GTF3C4: variants seen among roughly 807,000 people sequenced by gnomAD.
The protein encoded by GTF3C4 is general transcription factor 3C polypeptide 4.
GTF3C4 carries 28 observed loss-of-function variants against 67.5 expected under a neutral mutation model. The ratio of observed to expected loss-of-function variants is 0.41; its 90% CI spans 0.31 to 0.57. GTF3C4 has a LOEUF of 0.57. Among genes scored for constraint, GTF3C4 ranks in the 20% least tolerant of loss-of-function variants. The pLI, the probability that GTF3C4 is intolerant of heterozygous loss-of-function variation, is 0.21. For synonymous variants in GTF3C4, 409 were observed against 393.0 expected, an observed-to-expected ratio of 1.04 and a Z score of -0.48; for missense variants, 831 against 1,033.2, an observed-to-expected ratio of 0.80 and a Z score of 2.68.
chr9:132,672,695 G>A (rs773966070), intron 1 of GTF3C4, among the ~76,000 whole-genome samples: 4 of 152,162 alleles, frequency 2.6e-5, no homozygotes, highest in South Asian at 2.1e-4. Context: ...TGTGGTTCAG[G>A]AACATTACTG....
rs1222801308 is a variant in GTF3C4, at chr9:132,692,546, G to A, written c.*3601G>A. On this transcript the variant is annotated 3_prime_UTR_variant, in exon 5 of 5. Transcript: ENST00000372146. ...GCTGAATGGGTTATATTCAAAGTAA[G>A]TACAGACGGCAAATAGGCAGACAAA... 1 of 152,154 alleles carries A rather than the reference G, an allele frequency of 6.6e-6. No homozygotes were observed. The highest frequency in any genetic ancestry group is 6.5e-5 in the Admixed American group (1 of 15,282). 9.4% of individuals were successfully genotyped at this position (152,154 alleles called of 1,614,324 possible).
intron 3 of GTF3C4, among the ~76,000 whole-genome samples, chr9:132,685,003 T>C (rs528458597): frequency 6.8e-6 from 1 of 146,538 alleles, no homozygotes; most frequent in East Asian, 2.0e-4. Context: ...TGGTGGGCAC[T>C]AAATTTTTTA....
intron 1 of GTF3C4, among the ~76,000 whole-genome samples, chr9:132,674,661 A>C (rs987665910): frequency 2.0e-5 from 3 of 152,198 alleles, no homozygotes; most frequent in Non-Finnish European, 4.4e-5. Context: ...TTTTATATCT[A>C]CCTTTCATTT....
At chr9:132,680,216 G>A (rs1397927431) in intron 2 of GTF3C4, among the ~76,000 whole-genome samples, 1 of 152,116 alleles carries the variant, frequency 6.6e-6, no homozygotes, top group African/African-American at 2.4e-5. Context: ...AGAACTTAAG[G>A]ATATCTTCAG....
intron 2 of GTF3C4, among the ~76,000 whole-genome samples, chr9:132,680,328 C>T (rs1835922444): frequency 6.6e-6 from 1 of 152,188 alleles, no homozygotes. Flanking sequence ...ACAAACTTAC[C>T]TAGAATGTAT....
rs1370160558 is a variant in GTF3C4, at chr9:132,670,640, C to T, written c.42C>T (p.Asp14=). The change falls in exon 1 of 5, where the codon GAC becomes GAT. Residue 14 remains aspartate, a synonymous_variant. Transcript: ENST00000372146. ...AGGCCCGGGTGGGGCCCGCGGACGA[C>T]GGGCCTGCGCCGTCTGGGGAGGAGG... is the stretch of plus-strand genomic sequence containing the variant. ...ADQARVGPAD[D]GPAPSGEEEG... 3 of 1,431,514 alleles carry T rather than the reference C, an allele frequency of 2.1e-6. No individual in the cohort carries two copies. In the African/African-American group the frequency reaches 4.5e-5, roughly 22 times the overall value. 88.7% of individuals were successfully genotyped at this position (1,431,514 alleles called of 1,614,324 possible).
chr9:132,677,884 G>A, intron 1 of GTF3C4, 93 bp from the exon 2 acceptor site: 1 of 963,454 alleles, frequency 1.0e-6, no homozygotes, highest in Non-Finnish European at 1.6e-6. Context: ...ATGGGAACCA[G>A]GCTATGAATA....
At chr9:132,686,425 CT>C (rs1207250808) in intron 3 of GTF3C4, among the ~76,000 whole-genome samples, 1 of 77,524 alleles carries the variant, frequency 1.3e-5, no homozygotes, top group African/African-American at 4.0e-5. Flanking sequence ...GTCCCTTCCC[CT>C]AACCTCTGCC....
upstream of GTF3C4, chr9:132,670,280 G>GTGCGTT: frequency 1.3e-6 from 2 of 1,511,762 alleles, no homozygotes; most frequent in Non-Finnish European, 1.8e-6. Context: ...TTACCGCCCC[G>GTGCGTT]TGCGTTTCCT....
At chr9:132,683,126 G>C (rs1835973430) in intron 2 of GTF3C4, among the ~76,000 whole-genome samples, 1 of 152,216 alleles carries the variant, frequency 6.6e-6, no homozygotes, top group Non-Finnish European at 1.5e-5. Context: ...AAAGAGAGCA[G>C]TATTCCACAT....
intron 2 of GTF3C4, among the ~76,000 whole-genome samples, chr9:132,682,929 A>T (rs1835968067): frequency 6.6e-6 from 1 of 152,098 alleles, no homozygotes; most frequent in Non-Finnish European, 1.5e-5. Context: ...AAGCAGAGAA[A>T]AGCAAAACTG....
chr9:132,678,770 A>G lies in GTF3C4; in HGVS notation c.1151A>G (p.Gln384Arg). ...TGTGTGCCACTTTATCATCCTTACC[A>G]GAAGTGTAGTTGCAGCTTAGTAGTG... Reference protein sequence around the residue: ...IKCVPLYHPYQKCSCSLVVAA... With the variant: ...IKCVPLYHPYRKCSCSLVVAA... Residue 384 changes from glutamine to arginine, a missense_variant, in exon 2 of 5, where the codon CAG (glutamine) becomes CGG (arginine). Physicochemically the swap from Gln to Arg is conservative, Grantham distance 43. Coordinates refer to ENST00000372146, the MANE Select transcript of GTF3C4 (RefSeq NM_012204.4). The surrounding 1 kb of genome is among the most constrained non-coding windows in gnomAD (Gnocchi z 6.5). 6.2e-7 allele frequency: 1 copy of G among 1,614,134 alleles called. No individual in the cohort carries two copies. Among genetic ancestry groups the G allele is most frequent in the Non-Finnish European group, 8.5e-7 (1 of 1,179,976 alleles).
intron 1 of GTF3C4, among the ~76,000 whole-genome samples, chr9:132,676,584 G>T (rs981038764): frequency 6.6e-6 from 1 of 152,044 alleles, no homozygotes; most frequent in African/African-American, 2.4e-5. Flanking sequence ...GCCTCCCAAA[G>T]TGCTGGGAGT....
intron 1 of GTF3C4, among the ~76,000 whole-genome samples, chr9:132,672,891 T>C (rs1421183289): frequency 6.6e-6 from 1 of 152,042 alleles, no homozygotes; most frequent in Non-Finnish European, 1.5e-5. Flanking sequence ...AAGGTGAAAA[T>C]ATAATGAGTT....
intron 1 of GTF3C4, among the ~76,000 whole-genome samples, chr9:132,675,893 C>A (rs1343250014): frequency 1.2e-5 from 1 of 82,206 alleles, no homozygotes; most frequent in Non-Finnish European, 2.2e-5. Flanking sequence ...ATTCCAGTTA[C>A]CCTTTTTTTT....
At chr9:132,671,166 A>C (rs1271863711) in intron 1 of GTF3C4, among the ~76,000 whole-genome samples, 1 of 150,808 alleles carries the variant, frequency 6.6e-6, no homozygotes, top group Non-Finnish European at 1.5e-5. Context: ...TCCCCAGGTC[A>C]CCCGCCGCCG....
chr9:132,670,054 T>A, upstream of GTF3C4: 5 of 1,565,644 alleles, frequency 3.2e-6, no homozygotes, highest in Non-Finnish European at 4.3e-6. Context: ...CCGGAACGGC[T>A]CCAGCTGTAC....
Position 132,670,796 on chromosome 9 carries a change from C to A in GTF3C4, c.198C>A (p.Gly66=), listed in dbSNP as rs1835718532. ...PAVKLQYAVS[G]LEPLAWSEDH... ...TGAAGCTGCAGTATGCGGTGAGCGG[C>A]CTGGAACCGCTGGCTTGGTCCGAGG... Residue 66 remains glycine (G), a synonymous_variant, in exon 1 of 5, where the codon GGC becomes GGA. Coordinates refer to ENST00000372146, the MANE Select transcript of GTF3C4 (RefSeq NM_012204.4). The A allele has an allele frequency of 6.3e-7, 1 of 1,598,068 alleles. No individual in the cohort carries two copies. The highest frequency in any genetic ancestry group is 1.1e-5 in the South Asian group (1 of 89,756).
chr9:132,683,843 G>A (rs140174678), intron 3 of GTF3C4, 150 bp downstream of exon 3: 2 of 752,262 alleles, frequency 2.7e-6, no homozygotes, highest in Non-Finnish European at 4.1e-6. Flanking sequence ...AGCCTGATGT[G>A]GACTTTTTTC....
Sources: gnomAD v4.1 joint callset for allele counts (sites outside exome capture counted in the v4.1 genomes callset) on GRCh38, gnomAD v4.1.1 for gene constraint, Gnocchi (gnomAD v3.1) non-coding constraint, MANE v1.5 for transcripts, NCBI Gene and HGNC (gene_info 2026-07-23, HGNC 2026-07-21) for gene names.